Variants in NCALD observed in about 807,000 individuals in gnomAD.
NCALD encodes the protein neurocalcin delta.
A neutral mutation model predicts 18.6 loss-of-function variants in NCALD; 10 were observed. The ratio of observed to expected loss-of-function variants is 0.54; its 90% CI spans 0.33 to 0.91. The LOEUF (loss-of-function observed/expected upper bound fraction) is 0.91, where lower values mean the gene tolerates loss of function less well. Ranked by LOEUF, NCALD falls within the 40% of genes least tolerant of loss-of-function variation. NCALD has a pLI of 0.03. For missense variants in NCALD, 184 were observed against 247.6 expected (o/e 0.74, Z 1.72); for synonymous variants, 88 against 87.4 (o/e 1.01, Z -0.04).
At chr8:101,902,762 T>C (rs1817481717) in intron 3 of NCALD, among the ~76,000 whole-genome samples, 2 of 152,178 alleles carry the variant, frequency 1.3e-5, no homozygotes, top group South Asian at 4.1e-4. Flanking sequence ...ATGTGCTTCC[T>C]CCTAATTTCT....
intron 4 of NCALD, among the ~76,000 whole-genome samples, chr8:101,840,545 A>C (rs1044637451): frequency 2.0e-5 from 3 of 152,210 alleles, no homozygotes; most frequent in Non-Finnish European, 4.4e-5. Flanking sequence ...TGAAACTGTT[A>C]GCCAATTTGG....
In NCALD at chr8:101,689,034, G is replaced by T; in HGVS notation, c.*275C>A. ...CTTACGTTTTAGAACAGAGACATTA[G>T]AATAAAAAAAAATAATAGTAACGAT... On this transcript the variant is annotated 3_prime_UTR_variant, in exon 4 of 4. Coordinates refer to ENST00000220931, the MANE Select transcript of NCALD (RefSeq NM_032041.3). The surrounding 1 kb of genome is among the most constrained non-coding windows in gnomAD (Gnocchi z 4.4). 1 of 699,494 alleles carries T rather than the reference G, an allele frequency of 1.4e-6. No homozygotes were observed. Among genetic ancestry groups the T allele is most frequent in the South Asian group, 1.5e-5 (1 of 66,872 alleles). 43.3% of individuals were successfully genotyped at this position (699,494 alleles called of 1,614,324 possible).
intron 1 of NCALD, among the ~76,000 whole-genome samples, chr8:102,036,994 G>T (rs1338427849): frequency 6.6e-6 from 1 of 151,954 alleles, no homozygotes; most frequent in East Asian, 1.9e-4. Flanking sequence ...TTTTTAGTCG[G>T]CACACAAAAA....
chr8:101,759,480 G>T (rs1393070907), intron 1 of NCALD, among the ~76,000 whole-genome samples: 1 of 152,164 alleles, frequency 6.6e-6, no homozygotes, highest in African/African-American at 2.4e-5. Flanking sequence ...GCAGTAAAAT[G>T]AGGAAAACAT....
At position 101,689,044 on chromosome 8, in the gene NCALD, A is replaced by AG; in HGVS notation, c.*264_*265insC. On this transcript the variant is annotated 3_prime_UTR_variant, in exon 4 of 4. Transcript: ENST00000220931. The surrounding 1 kb of genome is among the most constrained non-coding windows in gnomAD (Gnocchi z 4.4). ...AGAACAGAGACATTAGAATAAAAAA[A>AG]AATAATAGTAACGATTAAAAATCAT... 1.4e-6 allele frequency: 1 copy of AG among 700,172 alleles called. No homozygotes were observed. The highest frequency in any genetic ancestry group is 2.6e-6 in the Non-Finnish European group (1 of 384,384). The allele number at this position is 700,172 out of a possible 1,614,324, so 43.4% of individuals were successfully genotyped here. A position where few individuals can be genotyped will look rare whatever the true frequency, so the allele number is the denominator to read the frequency against.
chr8:101,919,983 G>A (rs1258857352), intron 2 of NCALD, among the ~76,000 whole-genome samples: 1 of 152,174 alleles, frequency 6.6e-6, no homozygotes, highest in Admixed American at 6.5e-5. Flanking sequence ...GGGGCTGGGC[G>A]TGGTGGCTCA....
chr8:101,732,466 G>A (rs903213028), intron 1 of NCALD, among the ~76,000 whole-genome samples: 2 of 151,338 alleles, frequency 1.3e-5, no homozygotes, highest in African/African-American at 4.9e-5. Flanking sequence ...GCACACATGT[G>A]TTTAACATCT....
intron 1 of NCALD, among the ~76,000 whole-genome samples, chr8:102,111,241 C>G (rs1825629567): frequency 2.0e-5 from 3 of 152,184 alleles, no homozygotes; most frequent in Non-Finnish European, 4.4e-5. Context: ...CAAGAAACTT[C>G]AGAGGCTAGA....
chr8:101,717,467 GATTCAGCTAAGA>G (rs542197371), intron 2 of NCALD, among the ~76,000 whole-genome samples: 40 of 151,942 alleles, frequency 2.6e-4, no homozygotes, highest in African/African-American at 9.4e-4. Context: ...GGAGGGACGG[GATTCAGCTAAGA>G]ATTTATGTAT....
At chr8:101,877,433 A>T (rs1411469384) in intron 4 of NCALD, among the ~76,000 whole-genome samples, 3 of 152,098 alleles carry the variant, frequency 2.0e-5, no homozygotes, top group African/African-American at 7.2e-5. Flanking sequence ...GTTACCCAGC[A>T]TTCCCTGGTT....
chr8:101,838,634 G>C (rs1372128666), intron 4 of NCALD, among the ~76,000 whole-genome samples: 1 of 152,214 alleles, frequency 6.6e-6, no homozygotes, highest in African/African-American at 2.4e-5. Context: ...CAGCTGCCTT[G>C]TGAGCCAAGT....
At chr8:101,844,542 G>A (rs533018489) in intron 4 of NCALD, among the ~76,000 whole-genome samples, 14 of 151,336 alleles carry the variant, frequency 9.3e-5, no homozygotes, top group South Asian at 6.3e-4. Flanking sequence ...TTTATTTTTC[G>A]TAGAGACAGG....
chr8:102,063,300 A>T (rs1823905134), intron 1 of NCALD, among the ~76,000 whole-genome samples: 1 of 152,142 alleles, frequency 6.6e-6, no homozygotes, highest in Admixed American at 6.5e-5. Flanking sequence ...CTCCCTTCTA[A>T]AAACAGCACT....
At chr8:102,018,181 A>T (rs1028756480) in intron 2 of NCALD, among the ~76,000 whole-genome samples, 4 of 152,212 alleles carry the variant, frequency 2.6e-5, no homozygotes, top group African/African-American at 9.7e-5. Flanking sequence ...GGGGATTTTT[A>T]AAAATAGTGT....
chr8:102,120,397 C>T lies in NCALD; in HGVS notation c.-210+3840G>A, dbSNP rs151114448. On this transcript the variant is annotated intron_variant, in intron 1 of 6. Transcript: ENST00000311028. Reference sequence around the variant, plus strand: ...AGACACAGGACCCAATCAATGCTGACGAGCCAGAGTAAGTCATTGTGAGCA... The same window carrying T: ...AGACACAGGACCCAATCAATGCTGATGAGCCAGAGTAAGTCATTGTGAGCA... 1.4e-3 allele frequency among the ~76,000 whole-genome samples: 214 copies of T among 152,264 alleles called. 2 individuals carry two copies. The highest frequency in any genetic ancestry group is 0.01 in the Admixed American group (156 of 15,302).
chr8:101,923,482 T>C (rs1370715793), intron 2 of NCALD, among the ~76,000 whole-genome samples: 1 of 152,226 alleles, frequency 6.6e-6, no homozygotes, highest in Non-Finnish European at 1.5e-5. Flanking sequence ...CAGAAAATGA[T>C]GTGTAATTGT....
intron 1 of NCALD, among the ~76,000 whole-genome samples, chr8:102,041,250 C>T (rs1009758692): frequency 6.6e-6 from 1 of 152,128 alleles, no homozygotes; most frequent in Non-Finnish European, 1.5e-5. Context: ...CAAGTATTTC[C>T]AAAAGTCACT....
intron 1 of NCALD, among the ~76,000 whole-genome samples, chr8:102,028,346 C>A (rs1441834157): frequency 6.6e-6 from 1 of 152,206 alleles, no homozygotes; most frequent in Non-Finnish European, 1.5e-5. Flanking sequence ...ATCAACTTTT[C>A]TGTAGGTTAA....
chr8:102,077,284 C>T (rs946445792), intron 1 of NCALD, among the ~76,000 whole-genome samples: 1 of 152,142 alleles, frequency 6.6e-6, no homozygotes, highest in Non-Finnish European at 1.5e-5. Flanking sequence ...GTGATGATCA[C>T]CCCATCCTAT....
Sources: allele counts gnomAD v4.1 joint callset (sites outside exome capture counted in the v4.1 genomes callset), GRCh38; gene constraint gnomAD v4.1.1; non-coding constraint Gnocchi (gnomAD v3.1); transcripts MANE v1.5; gene names NCBI Gene and HGNC (gene_info 2026-07-23, HGNC 2026-07-21).